HEMGN: variants seen among roughly 807,000 people sequenced by gnomAD.
The protein encoded by HEMGN is erythroid differentiation-associated gene protein.
A neutral mutation model predicts 45.7 loss-of-function variants in HEMGN; 32 were observed. The observed-to-expected ratio is 0.70, with a 90% CI of 0.53 to 0.94. The LOEUF (loss-of-function observed/expected upper bound fraction) is 0.94. HEMGN is among the 40% of genes least tolerant of loss of function. The probability of loss-of-function intolerance (pLI) is 0.00; values close to 1 mark genes in which losing one functional copy is unlikely to be tolerated. For synonymous variants in HEMGN, 183 were observed against 178.6 expected (o/e 1.02, Z -0.20); for missense variants, 530 against 564.2 (o/e 0.94, Z 0.61).
intron 2 of HEMGN, among the ~76,000 whole-genome samples, chr9:97,934,560 G>A (rs2131555343): frequency 6.6e-6 from 1 of 152,046 alleles, no homozygotes; most frequent in East Asian, 1.9e-4. Flanking sequence ...AGATTGCTTA[G>A]TGGTATGGAA....
rs975925504 is a variant in HEMGN, at chr9:97,938,086, G to T, written c.51C>A (p.Asp17Glu). The T allele has an allele frequency of 1.2e-6, 2 of 1,611,894 alleles. No individual in the cohort carries two copies. Among genetic ancestry groups the T allele is most frequent in the East Asian group, 2.2e-5 (1 of 44,866 alleles). Residue 17 changes from aspartate (D) to glutamate (E), a missense_variant, in exon 1 of 4, where the codon GAC (aspartate) becomes GAA (glutamate). Coordinates refer to ENST00000616898, the MANE Select transcript of HEMGN (RefSeq NM_197978.3). The stretch of plus-strand genomic sequence containing the variant: ...GAGAATGGTTCTCTTCTTGATGAGG[G>T]TCAGGTGTCTGATGGTGCTTCAAAT... ...QSHLKHHQTP[D>E]PHQEENHSPE...
upstream of HEMGN, among the ~76,000 whole-genome samples, chr9:97,941,965 G>A (rs192602032): frequency 6.6e-6 from 1 of 152,250 alleles, no homozygotes; most frequent in East Asian, 1.9e-4. Context: ...ACTTGGCCAA[G>A]GGCATGCAGA....
At chr9:97,941,467 CAG>C (rs925727455), upstream of HEMGN, among the ~76,000 whole-genome samples, 6 of 152,124 alleles carry the variant, frequency 3.9e-5, no homozygotes, top group Non-Finnish European at 7.3e-5. Context: ...CTATGTGGGA[CAG>C]GGGCAGAGGA....
rs1448787919 is a variant in HEMGN at position 97,931,232 on chromosome 9, A to AACAGAATTAGTGTCAGCAGTGGTACT, written c.174-37_174-12dup. The AACAGAATTAGTGTCAGCAGTGGTACT allele has an allele frequency of 5.7e-6, 9 of 1,583,598 alleles. 1 individual carries two copies. Among genetic ancestry groups the AACAGAATTAGTGTCAGCAGTGGTACT allele is most frequent in the Non-Finnish European group, 6.8e-6 (8 of 1,168,860 alleles). On this transcript the variant is annotated splice_polypyrimidine_tract_variant and intron_variant, in intron 2 of 3. Coordinates refer to ENST00000616898, the MANE Select transcript of HEMGN (RefSeq NM_197978.3). ...CGTTTTTTCTGTTCTCTGCAGAAAG[A>AACAGAATTAGTGTCAGCAGTGGTACT]ACAGAATTAGTGTCAGCAGTGGTAC... is the stretch of plus-strand genomic sequence containing the variant.
chr9:97,938,220 A>T, upstream of HEMGN: 1 of 865,594 alleles, frequency 1.2e-6, no homozygotes, highest in Non-Finnish European at 1.9e-6. Context: ...AACATCTAAC[A>T]CTTAAAAAAA....
chr9:97,937,044 C>G (rs941145089), intron 1 of HEMGN, among the ~76,000 whole-genome samples: 1 of 152,104 alleles, frequency 6.6e-6, no homozygotes, highest in Non-Finnish European at 1.5e-5. Context: ...ACTGGGACCT[C>G]TAAAGAATAG....
Position 97,935,253 on chromosome 9 carries a change from C to T in HEMGN, c.173+918G>A, listed in dbSNP as rs977491920. On this transcript the variant is annotated intron_variant, in intron 2 of 3. Transcript: ENST00000616898. ...AGAACAGACAGTGCTCAGTCCACAG[C>T]GGGGTTTGGGGATTGGAAAATGCCC... is the stretch of plus-strand genomic sequence containing the variant. Among the ~76,000 whole-genome samples the T allele has an allele frequency of 4.6e-5, 7 of 152,156 alleles. No individual in the cohort carries two copies. The East Asian group carries it at 5.8e-4, about 13-fold the overall frequency.
chr9:97,939,713 C>T (rs1471966624), upstream of HEMGN, among the ~76,000 whole-genome samples: 2 of 152,200 alleles, frequency 1.3e-5, no homozygotes, highest in African/African-American at 4.8e-5. Flanking sequence ...CTGTCAAACA[C>T]ACTAAAGGGT....
In HEMGN at chr9:97,927,252, C is replaced by T; in HGVS notation, c.*132G>A. ...GAGCCTTAAAAAATGTTATTTCTTT[C>T]AGATATGGTCTACAAATAGAAAAAA... On this transcript the variant is annotated 3_prime_UTR_variant, in exon 4 of 4. Coordinates refer to ENST00000616898, the MANE Select transcript of HEMGN (RefSeq NM_197978.3). 1.8e-6 allele frequency: 1 copy of T among 563,086 alleles called. No homozygotes were observed. The highest frequency in any genetic ancestry group is 2.9e-5 in the East Asian group (1 of 34,736). 34.9% of individuals were successfully genotyped at this position (563,086 alleles called of 1,614,324 possible). A position where few individuals can be genotyped will look rare whatever the true frequency, so the allele number is the denominator to read the frequency against.
At chr9:97,938,198 T>G, upstream of HEMGN, 2 of 1,066,048 alleles carry the variant, frequency 1.9e-6, no homozygotes, top group Non-Finnish European at 2.8e-6. Context: ...GATGCTTTTT[T>G]AAAATATCAA....
At position 97,927,387 on chromosome 9, in the gene HEMGN, A is replaced by G; in HGVS notation, c.1452T>C (p.Phe484=). ...ACAACTTTATGGTTGAGCATTGTTA[A>G]AACAAAACATAACTATAGACATCAT... ...PENDVYSYVL[F] The change falls in exon 4 of 4, where the codon TTT becomes TTC. Residue 484 remains phenylalanine (F), a synonymous_variant. Coordinates refer to ENST00000616898, the MANE Select transcript of HEMGN (RefSeq NM_197978.3). The G allele has an allele frequency of 6.3e-7, 1 of 1,578,810 alleles. No individual in the cohort carries two copies.
chr9:97,936,192 T>C lies in HEMGN; in HGVS notation c.152A>G (p.Glu51Gly), dbSNP rs1827055094. ...RKRKAEVHEK[E>G]TSQWLFGEQK... The stretch of plus-strand genomic sequence containing the variant: ...ATACCCAAATAGCCATTGTGATGTT[T>C]CCTTTTCATGCACTTCAGCTTTTCT... Residue 51 changes from glutamate (E) to glycine (G), a missense_variant, in exon 2 of 4, where the codon GAA becomes GGA. Transcript: ENST00000616898. 2 of 1,612,484 alleles carry C rather than the reference T, an allele frequency of 1.2e-6. No homozygotes were observed. The highest frequency in any genetic ancestry group is 8.5e-7 in the Non-Finnish European group (1 of 1,178,772).
At position 97,927,168 on chromosome 9, in the gene HEMGN, TAC is replaced by T. The variant is rs34825770; in HGVS notation, c.*214_*215del. 82,712 of 313,518 alleles carry T rather than the reference TAC, an allele frequency of 0.26. 8,119 individuals carry two copies. The highest frequency in any genetic ancestry group is 0.49 in the East Asian group (8,684 of 17,708). The allele number at this position is 313,518 out of a possible 1,614,324, so 19.4% of individuals were successfully genotyped here. On this transcript the variant is annotated 3_prime_UTR_variant, in exon 4 of 4. Coordinates refer to ENST00000616898, the MANE Select transcript of HEMGN (RefSeq NM_197978.3). The stretch of plus-strand genomic sequence containing the variant: ...ATCCTCTCCCCGACCTATACATACA[TAC>T]ACACACACACACACACACACACACA...
chr9:97,929,937 C>T, intron 3 of HEMGN, 98 bp downstream of exon 3: 1 of 822,904 alleles, frequency 1.2e-6, no homozygotes, highest in Non-Finnish European at 2.0e-6. Flanking sequence ...TCACAGTATC[C>T]ATTGAAATAA....
chr9:97,934,435 A>AGGGGGAGGGGAGGGGAG (rs1265866329), intron 2 of HEMGN, among the ~76,000 whole-genome samples: 1 of 48,264 alleles, frequency 2.1e-5, no homozygotes, highest in Admixed American at 3.1e-4. Flanking sequence ...GGGGGAGAGG[A>AGGGGGAGGGGAGGGGAG]GGGGGAGGGG....
chr9:97,934,911 G>GAGCC (rs1347267624), intron 2 of HEMGN, among the ~76,000 whole-genome samples: 3 of 152,174 alleles, frequency 2.0e-5, no homozygotes, highest in African/African-American at 7.2e-5. Flanking sequence ...CCTGAGCTCT[G>GAGCC]AGCCAGCGGG....
intron 3 of HEMGN, among the ~76,000 whole-genome samples, chr9:97,927,799 T>A (rs1287474326): frequency 6.6e-6 from 1 of 152,036 alleles, no homozygotes; most frequent in Non-Finnish European, 1.5e-5. Flanking sequence ...TTGCAACATA[T>A]ACATAGTAAA....
upstream of HEMGN, among the ~76,000 whole-genome samples, chr9:97,940,228 T>G (rs1445328669): frequency 6.6e-6 from 1 of 152,174 alleles, no homozygotes; most frequent in African/African-American, 2.4e-5. Flanking sequence ...AGACGGATGG[T>G]GCAGTTCCTG....
intron 2 of HEMGN, among the ~76,000 whole-genome samples, chr9:97,932,803 CAAA>C (rs5899328): frequency 8.0e-5 from 7 of 87,268 alleles, no homozygotes; most frequent in African/African-American, 2.0e-4. Flanking sequence ...GACTCTGTCT[CAAA>C]AAAAAAAAAA....
Sources: gnomAD v4.1 joint callset for allele counts (sites outside exome capture counted in the v4.1 genomes callset) on GRCh38, gnomAD v4.1.1 for gene constraint, MANE v1.5 for transcripts, NCBI Gene and HGNC (gene_info 2026-07-23, HGNC 2026-07-21) for gene names.